DLGAP1: variants seen among roughly 807,000 people sequenced by gnomAD.
The protein encoded by DLGAP1 is DLG associated protein 1, also known as disks large-associated protein 1.
Under a neutral mutation model 90.8 loss-of-function variants are expected in DLGAP1, and 11 were observed. That is an observed-to-expected ratio of 0.12 (90% CI 0.08 to 0.20). The LOEUF (loss-of-function observed/expected upper bound fraction) is 0.20, where lower values mean the gene tolerates loss of function less well. Ranked by LOEUF, DLGAP1 falls within the 10% of genes least tolerant of loss-of-function variation. The pLI is 1.00. For synonymous variants in DLGAP1, 558 were observed against 540.7 expected (o/e 1.03, Z -0.44); for missense variants, 1,050 against 1,333.8 (o/e 0.79, Z 3.31).
rs1400774772 is a variant in DLGAP1, at chr18:3,660,783, TACTTGGAGACA to T, written c.1591+68341_1591+68351del. On this transcript the variant is annotated intron_variant, in intron 7 of 12. Coordinates refer to ENST00000315677, the MANE Select transcript of DLGAP1 (RefSeq NM_004746.4). The surrounding 1 kb of genome is among the most constrained non-coding windows in gnomAD (Gnocchi z 4.2). ...GTATCTGACAAGTAAGTTTATTGGCTACTTGGAGACAAAATTACGCCCTAAATGGACTTCAA... is the reference window on the plus strand; with the variant it reads ...GTATCTGACAAGTAAGTTTATTGGCTAAATTACGCCCTAAATGGACTTCAA... Among the ~76,000 whole-genome samples, 2 of 152,244 alleles carry T rather than the reference TACTTGGAGACA, an allele frequency of 1.3e-5. No homozygotes were observed. Among genetic ancestry groups the T allele is most frequent in the African/African-American group, 4.8e-5 (2 of 41,474 alleles).
chr18:3,520,014 C>T (rs776335273), intron 10 of DLGAP1, among the ~76,000 whole-genome samples: 4 of 152,094 alleles, frequency 2.6e-5, no homozygotes, highest in South Asian at 2.1e-4. Flanking sequence ...CCTGCACGTT[C>T]AGCACATGTA....
intron 1 of DLGAP1, among the ~76,000 whole-genome samples, chr18:4,194,828 G>C (rs2077465417): frequency 6.6e-6 from 1 of 151,530 alleles, no homozygotes; most frequent in South Asian, 2.1e-4. Flanking sequence ...TACATTTATG[G>C]GACACAAAGT....
intron 2 of DLGAP1, among the ~76,000 whole-genome samples, chr18:4,066,723 T>G (rs1568377988): frequency 6.6e-6 from 1 of 152,024 alleles, no homozygotes; most frequent in East Asian, 1.9e-4. Context: ...TTTACACTGT[T>G]GGGGGGGTGT....
intron 9 of DLGAP1, among the ~76,000 whole-genome samples, chr18:3,545,703 AAAAACTAAACTAAACTAAAAT>A (rs1429455144): frequency 6.6e-6 from 1 of 152,190 alleles, no homozygotes; most frequent in African/African-American, 2.4e-5. Context: ...CTAAAATTAC[AAAAACTAAACTAAACTAAAAT>A]AAATAAAAAT....
intron 6 of DLGAP1, among the ~76,000 whole-genome samples, chr18:3,742,049 G>A (rs187333167): frequency 6.6e-6 from 1 of 152,096 alleles, no homozygotes; most frequent in East Asian, 1.9e-4. Flanking sequence ...CACCATGTTG[G>A]CCAGGCTGAT....
At position 3,837,849 on chromosome 18, in the gene DLGAP1, C is replaced by CAAAAAAAA. The variant is rs5822770; in HGVS notation, c.958-23584_958-23577dup. Among the ~76,000 whole-genome samples the CAAAAAAAA allele has an allele frequency of 6.7e-3, 179 of 26,818 alleles. 31 individuals are homozygous for CAAAAAAAA. The highest frequency in any genetic ancestry group is 0.01 in the East Asian group (6 of 592). The allele number at this position is 26,818 out of a possible 152,430, so 17.6% of individuals were successfully genotyped here. A position where few individuals can be genotyped will look rare whatever the true frequency, so the allele number is the denominator to read the frequency against. On this transcript the variant is annotated intron_variant, in intron 4 of 12. Coordinates refer to ENST00000315677, the MANE Select transcript of DLGAP1 (RefSeq NM_004746.4). ...CCTGGGCGACAGAGTGAGATTCTGTCAAAAAAAAAAAAAAAAAAAAAAAAA... is the reference window on the plus strand; with the variant it reads ...CCTGGGCGACAGAGTGAGATTCTGTCAAAAAAAAAAAAAAAAAAAAAAAAAAAAAAAAA...
intron 1 of DLGAP1, among the ~76,000 whole-genome samples, chr18:4,309,064 T>C (rs73378942): frequency 0.015 from 2,210 of 152,312 alleles, 51 homozygotes; most frequent in African/African-American, 0.05. Flanking sequence ...TTCCATACAC[T>C]GTAGGCCTCT....
intron 2 of DLGAP1, among the ~76,000 whole-genome samples, chr18:4,124,206 G>T (rs1012739614): frequency 1.3e-5 from 2 of 152,040 alleles, no homozygotes; most frequent in African/African-American, 4.8e-5. Flanking sequence ...AGAAAAACTT[G>T]TAATATGCTT....
rs371797552 is a variant in DLGAP1, at chr18:3,879,128, G to A, written c.941C>T (p.Ser314Phe). 12 of 1,504,060 alleles carry A rather than the reference G, an allele frequency of 8.0e-6. No homozygotes were observed. The East Asian group carries it at 9.3e-5, about 12-fold the overall frequency. 93.2% of individuals were successfully genotyped at this position (1,504,060 alleles called of 1,614,324 possible). ...VKSESCQQER[S>F]CQYLQVPQDE... is the part of the protein sequence containing the mutation. Reference sequence around the variant, plus strand: ...AAATGGTACCTGCAGGTACTGGCAGGAGCGTTCTTGCTGACACGACTCGGA... The same window carrying A: ...AAATGGTACCTGCAGGTACTGGCAGAAGCGTTCTTGCTGACACGACTCGGA... Residue 314 changes from serine (S) to phenylalanine (F), a missense_variant, in exon 4 of 13, where the codon TCC becomes TTC. Ser to Phe is a radical substitution (Grantham distance 155). Coordinates refer to ENST00000315677, the MANE Select transcript of DLGAP1 (RefSeq NM_004746.4). The surrounding 1 kb of genome is among the most constrained non-coding windows in gnomAD (Gnocchi z 6.6).
chr18:3,734,504 C>T (rs369704305), intron 6 of DLGAP1, among the ~76,000 whole-genome samples: 15 of 151,974 alleles, frequency 9.9e-5, no homozygotes, highest in African/African-American at 3.6e-4. Context: ...TTTTACTAAC[C>T]TACTTTCTAA....
Position 3,996,026 on chromosome 18 carries a change from G to A in DLGAP1, c.-73+9090C>T, listed in dbSNP as rs78896126. On this transcript the variant is annotated intron_variant, in intron 3 of 12. Transcript: ENST00000315677. ...ATGTAAGAAATACTGTATTACAAGT[G>A]AAGTCTAAGTAAGCCTAATTCAATA... 1.6e-3 allele frequency among the ~76,000 whole-genome samples: 237 copies of A among 152,150 alleles called. 2 individuals are homozygous for A. The East Asian group carries it at 0.032, about 20-fold the overall frequency.
intron 5 of DLGAP1, among the ~76,000 whole-genome samples, chr18:3,796,275 C>T (rs2065987307): frequency 6.6e-6 from 1 of 152,214 alleles, no homozygotes; most frequent in Non-Finnish European, 1.5e-5. Flanking sequence ...CTCTTCTCTT[C>T]TCATTTCTCA....
rs1248626677 is a variant in DLGAP1 at position 3,611,104 on chromosome 18, C to T, written c.1592-28856G>A. 7.9e-5 allele frequency among the ~76,000 whole-genome samples: 12 copies of T among 151,680 alleles called. No homozygotes were observed. The East Asian group carries it at 2.1e-3, about 27-fold the overall frequency. On this transcript the variant is annotated intron_variant, in intron 7 of 12. Transcript: ENST00000315677. ...CTATGATCGCACCACTGCACTCTAC[C>T]CTGGGCGATAGAGCAAGACCCTGTC...
intron 4 of DLGAP1, among the ~76,000 whole-genome samples, chr18:3,837,006 T>C (rs1294274321): frequency 6.6e-6 from 1 of 152,132 alleles, no homozygotes; most frequent in Non-Finnish European, 1.5e-5. Flanking sequence ...GGGAAAAAAA[T>C]AAATCAATTT....
At chr18:3,509,748 C>G (rs1426801635) in intron 10 of DLGAP1, among the ~76,000 whole-genome samples, 1 of 152,192 alleles carries the variant, frequency 6.6e-6, no homozygotes, top group Non-Finnish European at 1.5e-5. Flanking sequence ...TTCTGAGCGA[C>G]GGAAACTGAA....
At chr18:3,686,036 G>A (rs1330518168) in intron 7 of DLGAP1, among the ~76,000 whole-genome samples, 1 of 151,972 alleles carries the variant, frequency 6.6e-6, no homozygotes, top group African/African-American at 2.4e-5. Context: ...ATTTAATTGG[G>A]CATGGTGGCA....
At chr18:3,915,275 C>T (rs2072118288) in intron 3 of DLGAP1, among the ~76,000 whole-genome samples, 1 of 152,082 alleles carries the variant, frequency 6.6e-6, no homozygotes, top group African/African-American at 2.4e-5. Context: ...TTATCATAAG[C>T]TGAGTTTAAT....
intron 3 of DLGAP1, among the ~76,000 whole-genome samples, chr18:3,927,252 T>C (rs2072412544): frequency 6.6e-6 from 1 of 152,218 alleles, no homozygotes; most frequent in South Asian, 2.1e-4. Flanking sequence ...ACAGTATATT[T>C]ACATCTTACA....
At chr18:3,780,106 C>G (rs367872104) in intron 5 of DLGAP1, among the ~76,000 whole-genome samples, 6 of 151,976 alleles carry the variant, frequency 3.9e-5, no homozygotes, top group Non-Finnish European at 8.8e-5. Context: ...TTTCATAGAC[C>G]ACCCCACAGG....
Sources: gnomAD v4.1 joint callset for allele counts (sites outside exome capture counted in the v4.1 genomes callset) on GRCh38, gnomAD v4.1.1 for gene constraint, Gnocchi (gnomAD v3.1) non-coding constraint, MANE v1.5 for transcripts, NCBI Gene and HGNC (gene_info 2026-07-23, HGNC 2026-07-21) for gene names.